The following NCOA5 variants were observed in gnomAD, a reference collection of about 807,000 sequenced individuals.
NCOA5 encodes the protein nuclear receptor coactivator 5.
Under a neutral mutation model 59.0 loss-of-function variants are expected in NCOA5, and 12 were observed. That is an observed-to-expected ratio of 0.20 (90% CI 0.13 to 0.33). The LOEUF is 0.33. Among genes scored for constraint, NCOA5 ranks in the 10% least tolerant of loss-of-function variants. NCOA5 has a pLI of 1.00. For synonymous variants in NCOA5, 270 were observed against 275.5 expected (o/e 0.98, Z 0.20); for missense variants, 655 against 766.6 (o/e 0.85, Z 1.72).
intron 1 of NCOA5, among the ~76,000 whole-genome samples, chr20:46,079,960 G>A (rs1196113897): frequency 6.6e-6 from 1 of 152,198 alleles, no homozygotes; most frequent in Non-Finnish European, 1.5e-5. Flanking sequence ...TCCTGTTAGT[G>A]TGTCTTGTGT....
Position 46,070,273 on chromosome 20 carries a change from T to A in NCOA5, c.302A>T (p.Asp101Val), listed in dbSNP as rs1229913810. 6.2e-7 allele frequency: 1 copy of A among 1,614,092 alleles called. No individual in the cohort carries two copies. The highest frequency in any genetic ancestry group is 2.2e-5 in the East Asian group (1 of 44,880). ...TCTGTCGTACATGGGGTCTCGCTGA[T>A]CTCGAAAATCCCTAGAGTCTCTTAG... The part of the protein sequence containing the change: ...RDLRDSRDFR[D>V]QRDPMYDRYR... The change falls in exon 3 of 8, where the codon GAT becomes GTT. Residue 101 changes from aspartate (D) to valine (V), a missense_variant. Physicochemically the swap from Asp to Val is radical, Grantham distance 152 (BLOSUM62 -3). Coordinates refer to ENST00000290231, the MANE Select transcript of NCOA5 (RefSeq NM_020967.3).
At chr20:46,072,881 G>T (rs971667511) in intron 2 of NCOA5, among the ~76,000 whole-genome samples, 1 of 152,178 alleles carries the variant, frequency 6.6e-6, no homozygotes, top group Non-Finnish European at 1.5e-5. Context: ...ACAAGGACAA[G>T]AACTATGTCA....
chr20:46,080,998 T>G (rs1027458170), intron 1 of NCOA5, among the ~76,000 whole-genome samples: 1 of 152,098 alleles, frequency 6.6e-6, no homozygotes, highest in Non-Finnish European at 1.5e-5. Context: ...GAATACTAGT[T>G]CAGGTTTATG....
At chr20:46,082,770 A>G (rs553572592) in intron 1 of NCOA5, among the ~76,000 whole-genome samples, 2 of 152,224 alleles carry the variant, frequency 1.3e-5, no homozygotes, top group African/African-American at 4.8e-5. Flanking sequence ...TTAGACAAGA[A>G]AAAGAGCTTT....
chr20:46,067,309 A>G, intron 4 of NCOA5, 128 bp from the exon 5 acceptor site: 1 of 1,127,594 alleles, frequency 8.9e-7, no homozygotes, highest in Non-Finnish European at 1.2e-6. Flanking sequence ...AACAGCCAGT[A>G]TTAATATTTT....
chr20:46,087,188 G>A (rs779358614), intron 1 of NCOA5, among the ~76,000 whole-genome samples: 2 of 152,170 alleles, frequency 1.3e-5, no homozygotes, highest in Non-Finnish European at 2.9e-5. Context: ...AAGAGTAACA[G>A]TGACTTCAGG....
intron 2 of NCOA5, among the ~76,000 whole-genome samples, chr20:46,073,052 A>T (rs1363829712): frequency 6.6e-6 from 1 of 152,236 alleles, no homozygotes; most frequent in Non-Finnish European, 1.5e-5. Flanking sequence ...CCAAATAAGA[A>T]GTTCTCTTGA....
rs754251040 is a variant in NCOA5 at position 46,062,280 on chromosome 20, G to A, written c.*20C>T. ...GAGGCCAGGGGATGAGGGGACTGGGGAGAGTTGAAAGATTTAGCTTCAGTA... is the reference window on the plus strand; with the variant it reads ...GAGGCCAGGGGATGAGGGGACTGGGAAGAGTTGAAAGATTTAGCTTCAGTA... On this transcript the variant is annotated 3_prime_UTR_variant, in exon 8 of 8. Coordinates refer to ENST00000290231, the MANE Select transcript of NCOA5 (RefSeq NM_020967.3). The A allele has an allele frequency of 1.3e-6, 2 of 1,592,304 alleles. No individual in the cohort carries two copies. Among genetic ancestry groups the A allele is most frequent in the Admixed American group, 1.7e-5 (1 of 58,816 alleles).
intron 1 of NCOA5, among the ~76,000 whole-genome samples, chr20:46,088,222 G>GA (rs1568890683): frequency 6.6e-6 from 1 of 152,130 alleles, no homozygotes; most frequent in Non-Finnish European, 1.5e-5. Context: ...ACTGAATCTA[G>GA]AAAAACTCCT....
Position 46,084,444 on chromosome 20 carries a change from A to G in NCOA5, c.-29-4991T>C, listed in dbSNP as rs371178301. On this transcript the variant is annotated intron_variant, in intron 1 of 7. Coordinates refer to ENST00000290231, the MANE Select transcript of NCOA5 (RefSeq NM_020967.3). ...ACACTCCATTGCTTAAATGACCCAG[A>G]GACACCCAACAGGGTAGAACCTACT... 3.3e-5 allele frequency among the ~76,000 whole-genome samples: 5 copies of G among 152,360 alleles called. No homozygotes were observed. The East Asian group carries it at 9.6e-4, about 29-fold the overall frequency.
chr20:46,079,591 C>A (rs1282627087), intron 1 of NCOA5, 138 bp from the exon 2 acceptor site: 2 of 701,766 alleles, frequency 2.8e-6, no homozygotes, highest in African/African-American at 3.6e-5. Flanking sequence ...AGCAGAGACA[C>A]ACTGTCACTT....
In NCOA5 at chr20:46,062,285, T is replaced by C. The variant is rs746393676; in HGVS notation, c.*15A>G. ...CAGGGGATGAGGGGACTGGGGAGAG[T>C]TGAAAGATTTAGCTTCAGTAATGCC... On this transcript the variant is annotated 3_prime_UTR_variant, in exon 8 of 8. Transcript: ENST00000290231. 62 of 1,596,890 alleles carry C rather than the reference T, an allele frequency of 3.9e-5. No individual in the cohort carries two copies. The Middle Eastern group carries it at 8.6e-4, about 22-fold the overall frequency.
intron 2 of NCOA5, among the ~76,000 whole-genome samples, chr20:46,076,200 C>G (rs2084936401): frequency 6.7e-6 from 1 of 150,256 alleles, no homozygotes; most frequent in South Asian, 2.1e-4. Flanking sequence ...TTTTTTTCCC[C>G]TGTGAATGAT....
intron 2 of NCOA5, among the ~76,000 whole-genome samples, chr20:46,078,242 T>C (rs550200977): frequency 2.0e-5 from 3 of 152,366 alleles, no homozygotes; most frequent in Admixed American, 6.5e-5. Flanking sequence ...TCCCGGTAGC[T>C]AGAACTTCAC....
intron 1 of NCOA5, among the ~76,000 whole-genome samples, 198 bp downstream of exon 1, chr20:46,089,619 G>C (rs539332433): frequency 6.6e-6 from 1 of 151,938 alleles, no homozygotes; most frequent in Non-Finnish European, 1.5e-5. Context: ...GCCGGGCCTG[G>C]GCCTGACGGG....
intron 2 of NCOA5, among the ~76,000 whole-genome samples, chr20:46,078,725 G>A (rs1406826): frequency 0.65 from 98,180 of 151,980 alleles, 33,511 homozygotes; most frequent in African/African-American, 0.88. Flanking sequence ...TCTTTGAGAG[G>A]AGGGACCAAT....
At position 46,070,441 on chromosome 20, in the gene NCOA5, C is replaced by A. The variant is rs887596137; in HGVS notation, c.134G>T (p.Gly45Val). 10 of 1,614,032 alleles carry A rather than the reference C, an allele frequency of 6.2e-6. No individual in the cohort carries two copies. In the African/African-American group the frequency reaches 1.1e-4, roughly 17 times the overall value. The change falls in exon 3 of 8, where the codon GGC becomes GTC. Residue 45 changes from glycine to valine, a missense_variant. Gly to Val is a moderately radical substitution (Grantham distance 109, BLOSUM62 -3). Coordinates refer to ENST00000290231, the MANE Select transcript of NCOA5 (RefSeq NM_020967.3). ...PRREPRDGRN[G>V]RDARDSRDIR... ...GTCTCTGCTGTCCCGGGCATCCCGG[C>A]CATTTCTGCCATCCCTGGGCTCTCT...
In NCOA5 at chr20:46,070,435, T is replaced by C. The variant is rs1461159820; in HGVS notation, c.140A>G (p.Asp47Gly). ...REPRDGRNGR[D>G]ARDSRDIRDP... ...TCGAATGTCTCTGCTGTCCCGGGCA[T>C]CCCGGCCATTTCTGCCATCCCTGGG... Residue 47 changes from aspartate to glycine, a missense_variant, in exon 3 of 8, where the codon GAT becomes GGT. Asp to Gly is a moderately conservative substitution (Grantham distance 94). Coordinates refer to ENST00000290231, the MANE Select transcript of NCOA5 (RefSeq NM_020967.3). 1 of 1,614,000 alleles carries C rather than the reference T, an allele frequency of 6.2e-7. No individual in the cohort carries two copies. Among genetic ancestry groups the C allele is most frequent in the South Asian group, 1.1e-5 (1 of 91,040 alleles).
At chr20:46,065,941 C>T (rs553983063) in intron 5 of NCOA5, among the ~76,000 whole-genome samples, 30 of 152,242 alleles carry the variant, frequency 2.0e-4, no homozygotes, top group African/African-American at 6.7e-4. Context: ...TGTAAGGCAC[C>T]TAGTATGGGG....
Sources: gnomAD v4.1 joint callset for allele counts (sites outside exome capture counted in the v4.1 genomes callset) on GRCh38, gnomAD v4.1.1 for gene constraint, MANE v1.5 for transcripts, NCBI Gene and HGNC (gene_info 2026-07-23, HGNC 2026-07-21) for gene names.